Variants in ATP8B1 observed in about 807,000 individuals in gnomAD.
ATP8B1 encodes ATPase phospholipid transporting 8B1.
In ATP8B1, 80 loss-of-function variants were observed where a neutral mutation model predicts 149.9. The ratio of observed to expected loss-of-function variants is 0.53; its 90% confidence interval spans 0.45 to 0.64. The LOEUF (loss-of-function observed/expected upper bound fraction) is 0.64, where lower values mean the gene tolerates loss of function less well. Ranked by LOEUF, ATP8B1 falls within the 30% of genes least tolerant of loss-of-function variation. The pLI is 0.00. For missense variants in ATP8B1, 1,247 were observed against 1,552.6 expected, an observed-to-expected ratio of 0.80 and a Z score of 3.31; for synonymous variants, 536 against 562.8, an observed-to-expected ratio of 0.95 and a Z score of 0.67.
intron 22 of ATP8B1, among the ~76,000 whole-genome samples, chr18:57,657,801 C>T (rs887355581): frequency 6.6e-6 from 1 of 152,192 alleles, no homozygotes; most frequent in African/African-American, 2.4e-5. Flanking sequence ...CCCTGGTATC[C>T]AGTCCTCAAC....
intron 1 of ATP8B1, among the ~76,000 whole-genome samples, chr18:57,769,345 C>T (rs2080246389): frequency 1.3e-5 from 2 of 152,294 alleles, no homozygotes; most frequent in African/African-American, 4.8e-5. Flanking sequence ...TAAATGCCTT[C>T]CTTGGGTTCA....
At chr18:57,709,314 G>T (rs1913575040) in intron 2 of ATP8B1, among the ~76,000 whole-genome samples, 2 of 152,178 alleles carry the variant, frequency 1.3e-5, no homozygotes, top group South Asian at 4.1e-4. Context: ...AAGTTCGGTG[G>T]ATTTGCTTGT....
intron 22 of ATP8B1, among the ~76,000 whole-genome samples, chr18:57,657,715 C>G (rs1304529592): frequency 6.6e-6 from 1 of 152,190 alleles, no homozygotes; most frequent in Non-Finnish European, 1.5e-5. Context: ...CCTTTTCTTT[C>G]CTGAACAAGC....
At chr18:57,674,386 C>CTTTTTT (rs36078409) in intron 16 of ATP8B1, among the ~76,000 whole-genome samples, 6 of 128,392 alleles carry the variant, frequency 4.7e-5, no homozygotes, top group Admixed American at 8.3e-5. Context: ...ATACCAGTTT[C>CTTTTTT]TTTTTTTTTT....
intron 1 of ATP8B1, among the ~76,000 whole-genome samples, chr18:57,751,323 A>T (rs568346828): frequency 3.3e-5 from 5 of 150,308 alleles, no homozygotes; most frequent in South Asian, 4.2e-4. Context: ...AGCTGTACAA[A>T]ATATATATAT....
intron 6 of ATP8B1, among the ~76,000 whole-genome samples, chr18:57,699,850 G>T (rs1913031094): frequency 4.6e-5 from 7 of 152,194 alleles, no homozygotes. Context: ...ACCGTGCCTG[G>T]CCAACCCATA....
chr18:57,676,708 A>C (rs540320605), intron 15 of ATP8B1, among the ~76,000 whole-genome samples: 1 of 101,254 alleles, frequency 9.9e-6, no homozygotes, highest in Non-Finnish European at 2.0e-5. Flanking sequence ...ACAGACCGAG[A>C]CTCCATTTCA....
chr18:57,726,640 G>C (rs2079711860), intron 2 of ATP8B1, among the ~76,000 whole-genome samples: 1 of 152,184 alleles, frequency 6.6e-6, no homozygotes, highest in South Asian at 2.1e-4. Flanking sequence ...ATCTACTTCT[G>C]AACTTGGGCT....
rs138926824 is a variant in ATP8B1, at chr18:57,713,475, T to TTTTTATTTTATTTTA, written c.182-6903_182-6889dup. 4.1e-3 allele frequency among the ~76,000 whole-genome samples: 607 copies of TTTTTATTTTATTTTA among 146,426 alleles called. 3 individuals are homozygous for TTTTTATTTTATTTTA. Among genetic ancestry groups the TTTTTATTTTATTTTA allele is most frequent in the African/African-American group, 0.014 (530 of 38,392 alleles). On this transcript the variant is annotated intron_variant, in intron 2 of 27. Coordinates refer to ENST00000648908, the MANE Select transcript of ATP8B1 (RefSeq NM_001374385.1). Reference sequence around the variant, plus strand: ...CCATGCCCAGCTAATTTTTAAAAATTTTTTATTTTATTTTATTTTATTTTA... The same window carrying TTTTTATTTTATTTTA: ...CCATGCCCAGCTAATTTTTAAAAATTTTTTATTTTATTTTATTTTATTTTATTTTATTTTATTTTA...
At chr18:57,700,968 T>C (rs1913087636) in intron 6 of ATP8B1, 71 bp downstream of exon 6, 21 of 1,411,154 alleles carry the variant, frequency 1.5e-5, no homozygotes, top group Non-Finnish European at 2.0e-5. Context: ...GTAATAATTA[T>C]CTCTGAATGT....
chr18:57,713,196 T>TTCCTTCC (rs1913790895), intron 2 of ATP8B1, among the ~76,000 whole-genome samples: 7 of 89,866 alleles, frequency 7.8e-5, no homozygotes, highest in African/African-American at 2.3e-4. Flanking sequence ...TCTTTCTTTC[T>TTCCTTCC]TTCCTTCCTT....
chr18:57,684,259 A>G lies in ATP8B1; in HGVS notation c.1474-67T>C, dbSNP rs1400329000. On this transcript the variant is annotated intron_variant, in intron 14 of 27. Transcript: ENST00000648908. ...ATTTTTGACTTAACAAATGACATGA[A>G]CTTTTCTTCAAAGGCAAGGTTTCAA... The G allele has an allele frequency of 2.7e-6, 4 of 1,509,340 alleles. No individual in the cohort carries two copies. The African/African-American group carries it at 5.6e-5, about 21-fold the overall frequency. 93.5% of individuals were successfully genotyped at this position (1,509,340 alleles called of 1,614,324 possible).
rs1394752340 is a variant in ATP8B1 at position 57,704,632 on chromosome 18, T to A, written c.316A>T (p.Thr106Ser). Residue 106 changes from threonine (T) to serine (S), a missense_variant, in exon 4 of 28, where the codon ACC (threonine) becomes TCC (serine). Physicochemically the swap from Thr to Ser is moderately conservative, Grantham distance 58 (BLOSUM62 1). Coordinates refer to ENST00000648908, the MANE Select transcript of ATP8B1 (RefSeq NM_001374385.1). The stretch of plus-strand genomic sequence containing the variant: ...TCAAACAGATTCATTGGTATAAAGG[T>A]AAATGCGTTGTACTTGTATGTTTTA... ...AIKTYKYNAF[T>S]FIPMNLFEQF... is the part of the protein sequence containing the mutation. 2 of 1,610,672 alleles carry A rather than the reference T, an allele frequency of 1.2e-6. No individual in the cohort carries two copies. The highest frequency in any genetic ancestry group is 2.7e-5 in the African/African-American group (2 of 74,852).
intron 14 of ATP8B1, among the ~76,000 whole-genome samples, chr18:57,684,638 A>T (rs924629681): frequency 5.9e-5 from 9 of 152,226 alleles, no homozygotes; most frequent in Non-Finnish European, 1.2e-4. Flanking sequence ...GGCATGAGCC[A>T]CCATGCCTAG....
chr18:57,690,134 A>T (rs1377875714), intron 12 of ATP8B1, among the ~76,000 whole-genome samples: 1 of 152,240 alleles, frequency 6.6e-6, no homozygotes, highest in Admixed American at 6.5e-5. Context: ...AGGAAAGGTC[A>T]GGGTAATAAG....
At chr18:57,757,026 T>C (rs2123302968) in intron 1 of ATP8B1, among the ~76,000 whole-genome samples, 1 of 152,264 alleles carries the variant, frequency 6.6e-6, no homozygotes. Flanking sequence ...ACAATGGCCA[T>C]GAAAGGATGA....
intron 1 of ATP8B1, among the ~76,000 whole-genome samples, chr18:57,795,809 A>G (rs1044055222): frequency 1.3e-5 from 2 of 152,130 alleles, no homozygotes; most frequent in African/African-American, 4.8e-5. Context: ...ATGTGAATGT[A>G]CCTAATGCCA....
intron 2 of ATP8B1, among the ~76,000 whole-genome samples, chr18:57,713,235 C>CCTTT (rs1913808470): frequency 7.7e-6 from 1 of 129,640 alleles, no homozygotes; most frequent in East Asian, 2.9e-4. Context: ...TTCCTTCCTT[C>CCTTT]CTTCCTTCTT....
At chr18:57,664,567 T>C (rs965717679) in intron 20 of ATP8B1, among the ~76,000 whole-genome samples, 1 of 152,016 alleles carries the variant, frequency 6.6e-6, no homozygotes, top group African/African-American at 2.4e-5. Context: ...TATTGTTTGT[T>C]AGGAATAAAC....
Sources: allele counts gnomAD v4.1 joint callset (sites outside exome capture counted in the v4.1 genomes callset), GRCh38; gene constraint gnomAD v4.1.1; transcripts MANE v1.5; gene names NCBI Gene and HGNC (gene_info 2026-07-23, HGNC 2026-07-21).